Variants in TAFA2 observed in about 807,000 individuals in gnomAD.
The protein encoded by TAFA2 is chemokine-like protein TAFA-2.
In TAFA2, 7 loss-of-function variants were observed where a neutral mutation model predicts 18.8. The observed-to-expected ratio is 0.37, with a 90% CI of 0.21 to 0.70. The LOEUF is 0.70. TAFA2 is among the 30% of genes least tolerant of loss of function. The pLI is 0.53. For synonymous variants in TAFA2, 60 were observed against 54.2 expected (o/e 1.11, Z -0.47); for missense variants, 122 against 158.1 (o/e 0.77, Z 1.23).
chr12:62,170,783 C>G (rs1029175604), intron 1 of TAFA2, among the ~76,000 whole-genome samples: 1 of 152,132 alleles, frequency 6.6e-6, no homozygotes, highest in Non-Finnish European at 1.5e-5. Context: ...TCCTTCCCAC[C>G]CTCCATCCTT....
chr12:61,947,320 G>C, intron 1 of TAFA2, among the ~76,000 whole-genome samples: 1 of 141,274 alleles, frequency 7.1e-6, no homozygotes, highest in South Asian at 2.4e-4. Flanking sequence ...GGAGGTGGGA[G>C]GGGGGAGGGA....
intron 1 of TAFA2, among the ~76,000 whole-genome samples, chr12:62,017,796 T>G (rs909465319): frequency 1.3e-5 from 2 of 152,212 alleles, no homozygotes; most frequent in East Asian, 3.8e-4. Flanking sequence ...ATCATCAGTA[T>G]GCAATTCACT....
intron 1 of TAFA2, among the ~76,000 whole-genome samples, chr12:62,085,705 C>T (rs1194365611): frequency 6.6e-6 from 1 of 152,002 alleles, no homozygotes; most frequent in African/African-American, 2.4e-5. Context: ...GAATAGGTAC[C>T]ATATACCTGA....
At chr12:62,065,745 G>A (rs1206229992) in intron 1 of TAFA2, among the ~76,000 whole-genome samples, 1 of 150,526 alleles carries the variant, frequency 6.6e-6, no homozygotes, top group Non-Finnish European at 1.5e-5. Flanking sequence ...CTGATTAGTA[G>A]GGGTAGAACT....
At chr12:62,068,199 T>G (rs547400883) in intron 1 of TAFA2, among the ~76,000 whole-genome samples, 1 of 152,266 alleles carries the variant, frequency 6.6e-6, no homozygotes, top group East Asian at 1.9e-4. Flanking sequence ...ATTTTTTAAA[T>G]ACAGGAAATG....
chr12:62,029,811 ATCTC>A (rs71450570), intron 1 of TAFA2, among the ~76,000 whole-genome samples: 36,588 of 145,730 alleles, frequency 0.25, 4,346 homozygotes, highest in Admixed American at 0.27. Context: ...ATGTCTTCCT[ATCTC>A]TCTCTCTCTC....
At chr12:61,906,078 T>A (rs1023199510) in intron 1 of TAFA2, among the ~76,000 whole-genome samples, 1 of 152,182 alleles carries the variant, frequency 6.6e-6, no homozygotes, top group Admixed American at 6.5e-5. Flanking sequence ...CAAGAAAAAG[T>A]ATACCTATTC....
intron 3 of TAFA2, among the ~76,000 whole-genome samples, chr12:61,754,519 C>A (rs887525975): frequency 6.7e-6 from 1 of 150,168 alleles, no homozygotes; most frequent in Non-Finnish European, 1.5e-5. Context: ...GTTTAAGAAC[C>A]CATAATATTA....
chr12:61,907,733 T>C (rs2219261), intron 1 of TAFA2, among the ~76,000 whole-genome samples: 125,618 of 152,012 alleles, frequency 0.83, 52,436 homozygotes, highest in African/African-American at 0.94. Context: ...ACTCAACACC[T>C]ATGAAAGCAG....
rs77577191 is a variant in TAFA2 at position 61,742,438 on chromosome 12, A to G, written c.384+11184T>C. 8.2e-3 allele frequency among the ~76,000 whole-genome samples: 1,245 copies of G among 152,228 alleles called. 10 individuals carry two copies. Among genetic ancestry groups the G allele is most frequent in the African/African-American group, 0.026 (1,084 of 41,548 alleles). ...CTGTAGGTTCCATATCCTTGTATCA[A>G]TTGAAAGCCCTGGATCCCTGGAACT... On this transcript the variant is annotated intron_variant, in intron 4 of 4. Transcript: ENST00000416284.
chr12:62,010,286 T>G (rs963592972), intron 1 of TAFA2, among the ~76,000 whole-genome samples: 1 of 151,920 alleles, frequency 6.6e-6, no homozygotes, highest in Non-Finnish European at 1.5e-5. Context: ...TTCTCCTGCC[T>G]TGGCCTGGGT....
Position 61,840,112 on chromosome 12 carries a change from C to G in TAFA2, c.106+27208G>C, listed in dbSNP as rs192697385. Among the ~76,000 whole-genome samples, 18 of 152,108 alleles carry G rather than the reference C, an allele frequency of 1.2e-4. No homozygotes were observed. In the East Asian group the frequency reaches 3.3e-3, roughly 28 times the overall value. On this transcript the variant is annotated intron_variant, in intron 2 of 4. Transcript: ENST00000416284. ...GGAGATACGGTTGGAGCAGTAGGTC[C>G]TTGCTGTCTTTAGAGGGGCAGTTAT...
At chr12:62,174,164 CGCCTGT>C (rs1388818946) in intron 1 of TAFA2, among the ~76,000 whole-genome samples, 6 of 151,960 alleles carry the variant, frequency 3.9e-5, no homozygotes, top group Non-Finnish European at 7.4e-5. Context: ...TGGTGGCGCA[CGCCTGT>C]AGTCCCAGCT....
At chr12:62,088,144 G>C (rs1280234164) in intron 1 of TAFA2, among the ~76,000 whole-genome samples, 1 of 151,992 alleles carries the variant, frequency 6.6e-6, no homozygotes, top group African/African-American at 2.4e-5. Context: ...TTGTAGTATT[G>C]ATGTTTCAAA....
chr12:62,061,229 T>A (rs1882339840), intron 1 of TAFA2, among the ~76,000 whole-genome samples: 1 of 152,222 alleles, frequency 6.6e-6, no homozygotes, highest in African/African-American at 2.4e-5. Context: ...GCAATCTCCA[T>A]TCATGGTGAA....
At chr12:62,044,677 C>T (rs982457402) in intron 1 of TAFA2, among the ~76,000 whole-genome samples, 4 of 152,126 alleles carry the variant, frequency 2.6e-5, no homozygotes, top group East Asian at 1.9e-4. Flanking sequence ...ACTTCAGTCA[C>T]GTGCCAAACA....
intron 1 of TAFA2, among the ~76,000 whole-genome samples, chr12:61,875,967 T>G (rs892556438): frequency 2.2e-4 from 33 of 152,182 alleles, no homozygotes; most frequent in African/African-American, 8.0e-4. Flanking sequence ...TCCAATTATA[T>G]GTAGCCTTTT....
At chr12:62,086,516 T>A (rs969874525) in intron 1 of TAFA2, among the ~76,000 whole-genome samples, 3 of 152,090 alleles carry the variant, frequency 2.0e-5, no homozygotes, top group Admixed American at 6.6e-5. Context: ...AAAGAATGTA[T>A]ACAAATGGGT....
chr12:61,711,914 T>TACCAACTATCAATC (rs1869428245), intron 4 of TAFA2, among the ~76,000 whole-genome samples: 1 of 152,116 alleles, frequency 6.6e-6, no homozygotes, highest in Admixed American at 6.6e-5. Context: ...CATTATCAAT[T>TACCAACTATCAATC]ATCAACTATC....
Sources: gnomAD v4.1 joint callset for allele counts (sites outside exome capture counted in the v4.1 genomes callset) on GRCh38, gnomAD v4.1.1 for gene constraint, MANE v1.5 for transcripts, NCBI Gene and HGNC (gene_info 2026-07-23, HGNC 2026-07-21) for gene names.